Variants in KIAA0825 observed in about 807,000 individuals in gnomAD.
KIAA0825 encodes uncharacterized protein KIAA0825.
Under a neutral mutation model 147.6 loss-of-function variants are expected in KIAA0825, and 119 were observed. That is an observed-to-expected ratio of 0.81 (90% CI 0.69 to 0.94). KIAA0825 has a LOEUF of 0.94. KIAA0825 is among the 40% of genes least tolerant of loss of function. The pLI is 0.00. For synonymous variants in KIAA0825, 470 were observed against 518.1 expected, an observed-to-expected ratio of 0.91 and a Z score of 1.26; for missense variants, 1,381 against 1,472.7, an observed-to-expected ratio of 0.94 and a Z score of 1.02.
chr5:94,286,763 C>T (rs970771432), intron 20 of KIAA0825, among the ~76,000 whole-genome samples: 57 of 152,080 alleles, frequency 3.7e-4, no homozygotes, highest in Non-Finnish European at 2.9e-5. Context: ...ATCACCCAGG[C>T]TGGTAACAGA....
At chr5:94,576,631 C>T (rs1781102768) in intron 2 of KIAA0825, among the ~76,000 whole-genome samples, 1 of 152,138 alleles carries the variant, frequency 6.6e-6, no homozygotes, top group South Asian at 2.1e-4. Flanking sequence ...AAATACATTC[C>T]TTTTCTTTAT....
chr5:94,329,378 G>A (rs1025321268), intron 20 of KIAA0825, among the ~76,000 whole-genome samples: 1 of 152,074 alleles, frequency 6.6e-6, no homozygotes, highest in East Asian at 1.9e-4. Context: ...TGAATATACA[G>A]ATTGAAAGGA....
chr5:94,218,233 A>G (rs148300414), intron 20 of KIAA0825, among the ~76,000 whole-genome samples: 3 of 152,292 alleles, frequency 2.0e-5, no homozygotes, highest in Admixed American at 6.5e-5. Context: ...TGAACTTCTT[A>G]TAGTTTCCCG....
At chr5:94,215,801 C>A (rs1053229508) in intron 20 of KIAA0825, among the ~76,000 whole-genome samples, 4 of 152,120 alleles carry the variant, frequency 2.6e-5, no homozygotes, top group African/African-American at 7.2e-5. Flanking sequence ...CTGTCTCTAG[C>A]CCTCTCCTCT....
In KIAA0825 at chr5:94,191,436, C is replaced by A. The variant is rs561659487; in HGVS notation, c.3711-37312G>T. ...GCAGAAAATAGTCTCCATAAAAATA[C>A]AGTTTCCTGAAAGGTAAATTATAAA... On this transcript the variant is annotated intron_variant, in intron 20 of 20. Transcript: ENST00000682413. Among the ~76,000 whole-genome samples the A allele has an allele frequency of 2.0e-5, 3 of 152,180 alleles. No individual in the cohort carries two copies. The South Asian group carries it at 6.2e-4, about 32-fold the overall frequency.
intron 20 of KIAA0825, among the ~76,000 whole-genome samples, chr5:94,281,469 C>G (rs1230252535): frequency 6.6e-6 from 1 of 152,114 alleles, no homozygotes; most frequent in African/African-American, 2.4e-5. Context: ...CCAATGCAGT[C>G]TGAATCTCTG....
chr5:94,477,268 G>T, intron 6 of KIAA0825, 63 bp from the exon 7 acceptor site: 2 of 1,088,558 alleles, frequency 1.8e-6, no homozygotes, highest in South Asian at 1.5e-5. Context: ...TACTAGATGT[G>T]ATTTATAAAT....
chr5:94,366,977 G>A (rs1340971446), intron 20 of KIAA0825, among the ~76,000 whole-genome samples: 1 of 152,166 alleles, frequency 6.6e-6, no homozygotes, highest in Non-Finnish European at 1.5e-5. Flanking sequence ...TAAATGTAGA[G>A]GAGAACAAAG....
At chr5:94,334,941 A>G (rs953535374) in intron 20 of KIAA0825, among the ~76,000 whole-genome samples, 2 of 152,208 alleles carry the variant, frequency 1.3e-5, no homozygotes, top group Admixed American at 1.3e-4. Context: ...AAGGTGTATC[A>G]TGATACACCA....
intron 20 of KIAA0825, among the ~76,000 whole-genome samples, chr5:94,282,651 C>A (rs192453922): frequency 6.6e-6 from 1 of 151,966 alleles, no homozygotes; most frequent in African/African-American, 2.4e-5. Flanking sequence ...CAAATAATGT[C>A]AGCTATTAAT....
chr5:94,469,743 T>C (rs1051621350), intron 10 of KIAA0825, among the ~76,000 whole-genome samples: 7 of 152,186 alleles, frequency 4.6e-5, no homozygotes, highest in Non-Finnish European at 7.4e-5. Context: ...ATTAAGTTAT[T>C]TTTACTTTTA....
chr5:94,515,213 A>T (rs976686695), intron 5 of KIAA0825, among the ~76,000 whole-genome samples: 2 of 152,324 alleles, frequency 1.3e-5, no homozygotes, highest in South Asian at 4.1e-4. Flanking sequence ...TCCAAAGGAA[A>T]TACAATTTTA....
chr5:94,154,538 C>A lies in KIAA0825; in HGVS notation c.3711-414G>T, dbSNP rs1766852264. ...AGTTGCAGGGAGGCTTGCCAGGAAGCCTTTAGCAGAAAGAAGAACATCGAG... is the reference window on the plus strand; with the variant it reads ...AGTTGCAGGGAGGCTTGCCAGGAAGACTTTAGCAGAAAGAAGAACATCGAG... On this transcript the variant is annotated intron_variant, in intron 20 of 20. Coordinates refer to ENST00000682413, the MANE Select transcript of KIAA0825 (RefSeq NM_001145678.3). Among the ~76,000 whole-genome samples the A allele has an allele frequency of 2.6e-5, 4 of 152,224 alleles. No homozygotes were observed. The South Asian group carries it at 6.2e-4, about 24-fold the overall frequency.
At chr5:94,370,912 AAAAAC>A (rs919730435) in intron 20 of KIAA0825, among the ~76,000 whole-genome samples, 8 of 152,088 alleles carry the variant, frequency 5.3e-5, no homozygotes, top group Admixed American at 1.3e-4. Flanking sequence ...TCTGTCTCAA[AAAAAC>A]AAAACAAAAC....
At chr5:94,504,753 T>C (rs1381673800) in intron 5 of KIAA0825, among the ~76,000 whole-genome samples, 1 of 130,026 alleles carries the variant, frequency 7.7e-6, no homozygotes, top group Non-Finnish European at 1.5e-5. Context: ...TTTCTTTTTT[T>C]TTTTTTTTTT....
At chr5:94,328,156 T>G (rs1049359842) in intron 20 of KIAA0825, among the ~76,000 whole-genome samples, 9 of 152,204 alleles carry the variant, frequency 5.9e-5, no homozygotes, top group Non-Finnish European at 1.3e-4. Context: ...TAACAAAATT[T>G]GTTGTATTAA....
chr5:94,569,316 T>G, intron 2 of KIAA0825: 2 of 337,138 alleles, frequency 5.9e-6, no homozygotes, highest in East Asian at 4.7e-5. Flanking sequence ...ATTAAACCTA[T>G]ACAACCTCCC....
intron 1 of KIAA0825, chr5:94,617,803 C>T (rs1373298375): frequency 6.6e-6 from 1 of 152,216 alleles, no homozygotes; most frequent in African/African-American, 2.4e-5. Context: ...CTACCTCAGA[C>T]CTCCATCCAA....
In KIAA0825 at chr5:94,523,985, G is replaced by T; in HGVS notation, c.245C>A (p.Thr82Lys). The change falls in exon 4 of 21, where the codon ACA becomes AAA. Residue 82 changes from threonine to lysine, a missense_variant. Thr to Lys is a moderately conservative substitution (Grantham distance 78, BLOSUM62 -1). Transcript: ENST00000682413. Reference protein sequence around the residue: ...FEWLTNYNYSTSESSFISHGD... With the variant: ...FEWLTNYNYSKSESSFISHGD... ...ATGAGAAATGAAAGATGATTCAGAT[G>T]TACTGTAATTATAGTTAGTTAGCCA... The T allele has an allele frequency of 6.2e-7, 1 of 1,607,742 alleles. No individual in the cohort carries two copies. The highest frequency in any genetic ancestry group is 8.5e-7 in the Non-Finnish European group (1 of 1,175,878).
Sources: allele counts gnomAD v4.1 joint callset (sites outside exome capture counted in the v4.1 genomes callset), GRCh38; gene constraint gnomAD v4.1.1; transcripts MANE v1.5; gene names NCBI Gene and HGNC (gene_info 2026-07-23, HGNC 2026-07-21).